ABHD17C: variants seen among roughly 807,000 people sequenced by gnomAD.
ABHD17C encodes the protein alpha/beta hydrolase domain-containing protein 17C.
Under a neutral mutation model 27.9 loss-of-function variants are expected in ABHD17C, and 11 were observed. That is an observed-to-expected ratio of 0.39 (90% CI 0.25 to 0.65). The LOEUF (loss-of-function observed/expected upper bound fraction) is 0.65, where lower values mean the gene tolerates loss of function less well. ABHD17C is among the 30% of genes least tolerant of loss of function. The probability of loss-of-function intolerance (pLI) is 0.45; values close to 1 mark genes in which losing one functional copy is unlikely to be tolerated. For synonymous variants in ABHD17C, 233 were observed against 209.1 expected (o/e 1.11, Z -0.98); for missense variants, 280 against 470.2 (o/e 0.60, Z 3.74).
chr15:80,723,134 ATATATG>A (rs1443232112), intron 1 of ABHD17C, among the ~76,000 whole-genome samples: 1 of 41,246 alleles, frequency 2.4e-5, no homozygotes, highest in African/African-American at 1.0e-4. Flanking sequence ...GTGTGTGTGT[ATATATG>A]TGTGTGTGTG....
At chr15:80,737,344 AT>A (rs1359787393) in intron 1 of ABHD17C, among the ~76,000 whole-genome samples, 1 of 152,180 alleles carries the variant, frequency 6.6e-6, no homozygotes, top group East Asian at 1.9e-4. Context: ...GCTGCAAGAG[AT>A]TCTGTTCCTG....
At chr15:80,706,460 C>T (rs916456946) in intron 1 of ABHD17C, among the ~76,000 whole-genome samples, 1 of 152,098 alleles carries the variant, frequency 6.6e-6, no homozygotes, top group Non-Finnish European at 1.5e-5. Flanking sequence ...GAAAAACGAG[C>T]GTAGAGAACC....
chr15:80,705,966 T>C (rs1296711224), intron 1 of ABHD17C, among the ~76,000 whole-genome samples: 1 of 152,196 alleles, frequency 6.6e-6, no homozygotes, highest in East Asian at 1.9e-4. Flanking sequence ...CACTTTGCAC[T>C]TTTTGGAGCT....
intron 2 of ABHD17C, among the ~76,000 whole-genome samples, chr15:80,752,087 G>A (rs1332203161): frequency 1.3e-5 from 2 of 152,166 alleles, no homozygotes; most frequent in African/African-American, 4.8e-5. Flanking sequence ...GATGATGGAA[G>A]TCAACTTTAA....
At chr15:80,712,048 C>G (rs933634747) in intron 1 of ABHD17C, among the ~76,000 whole-genome samples, 1 of 152,310 alleles carries the variant, frequency 6.6e-6, no homozygotes, top group East Asian at 1.9e-4. Flanking sequence ...CTCTTCCTTG[C>G]CAGCAAGACA....
chr15:80,716,161 G>A (rs1044451748), intron 1 of ABHD17C, among the ~76,000 whole-genome samples: 3 of 152,162 alleles, frequency 2.0e-5, no homozygotes, highest in Middle Eastern at 6.3e-3. Flanking sequence ...ACTCTAAGAG[G>A]TAACTAAAGA....
intron 1 of ABHD17C, among the ~76,000 whole-genome samples, chr15:80,705,367 G>GTGTGTGTGTGTGT (rs57722326): frequency 2.9e-4 from 44 of 150,236 alleles, no homozygotes; most frequent in South Asian, 1.5e-3. Flanking sequence ...GTGTGTGTGT[G>GTGTGTGTGTGTGT]GTTAGGAGCA....
At chr15:80,706,110 C>T (rs1267760603) in intron 1 of ABHD17C, among the ~76,000 whole-genome samples, 1 of 152,214 alleles carries the variant, frequency 6.6e-6, no homozygotes, top group African/African-American at 2.4e-5. Flanking sequence ...TAGAGTTAAC[C>T]TTCCCTTTTC....
chr15:80,718,394 A>G (rs570751007), intron 1 of ABHD17C, among the ~76,000 whole-genome samples: 16 of 152,240 alleles, frequency 1.1e-4, no homozygotes, highest in Non-Finnish European at 1.5e-4. Context: ...GCACAGTAGC[A>G]CAATCTCGGC....
intron 1 of ABHD17C, among the ~76,000 whole-genome samples, chr15:80,736,732 C>T (rs940471047): frequency 6.6e-6 from 1 of 152,126 alleles, no homozygotes; most frequent in African/African-American, 2.4e-5. Flanking sequence ...GCCAAGCGTG[C>T]TTCTCTGAAG....
intron 1 of ABHD17C, 71 bp from the exon 2 acceptor site, chr15:80,749,442 G>A (rs947689154): frequency 6.6e-7 from 1 of 1,505,422 alleles, no homozygotes; most frequent in Non-Finnish European, 9.0e-7. Flanking sequence ...GGTTTAAGAG[G>A]CGGGTTTCTC....
chr15:80,720,156 G>A (rs1241962862), intron 1 of ABHD17C, among the ~76,000 whole-genome samples: 1 of 152,102 alleles, frequency 6.6e-6, no homozygotes, highest in Non-Finnish European at 1.5e-5. Flanking sequence ...TTGCTCAGAT[G>A]TTTCTGTCTT....
intron 1 of ABHD17C, among the ~76,000 whole-genome samples, chr15:80,747,869 A>G (rs1895310835): frequency 6.6e-6 from 1 of 152,016 alleles, no homozygotes; most frequent in African/African-American, 2.4e-5. Context: ...CTTCCTTTTC[A>G]TGCTGTCATC....
intron 1 of ABHD17C, among the ~76,000 whole-genome samples, chr15:80,701,337 G>A (rs1894568763): frequency 6.6e-6 from 1 of 152,062 alleles, no homozygotes; most frequent in African/African-American, 2.4e-5. Flanking sequence ...GCCACTAAGG[G>A]AAGAAAGCTT....
intron 1 of ABHD17C, among the ~76,000 whole-genome samples, chr15:80,699,571 A>G (rs1254313632): frequency 6.6e-6 from 1 of 152,178 alleles, no homozygotes; most frequent in Admixed American, 6.5e-5. Flanking sequence ...TCCATTACCT[A>G]TTTGTGCCAG....
At chr15:80,706,362 C>T (rs1243598204) in intron 1 of ABHD17C, among the ~76,000 whole-genome samples, 12 of 152,186 alleles carry the variant, frequency 7.9e-5, no homozygotes, top group Non-Finnish European at 1.2e-4. Flanking sequence ...GGATAGTTAA[C>T]GGTTGTACGT....
intron 1 of ABHD17C, among the ~76,000 whole-genome samples, chr15:80,706,617 A>G (rs1320407216): frequency 6.6e-6 from 1 of 152,202 alleles, no homozygotes; most frequent in Non-Finnish European, 1.5e-5. Flanking sequence ...GTTAAGTATA[A>G]ATCTACTAGC....
At chr15:80,730,969 G>A (rs1484885197) in intron 1 of ABHD17C, among the ~76,000 whole-genome samples, 1 of 152,104 alleles carries the variant, frequency 6.6e-6, no homozygotes, top group Non-Finnish European at 1.5e-5. Flanking sequence ...CATTATGTTT[G>A]TACACTACAT....
intron 1 of ABHD17C, among the ~76,000 whole-genome samples, chr15:80,736,902 G>A (rs1200846308): frequency 6.6e-6 from 1 of 152,180 alleles, no homozygotes; most frequent in Non-Finnish European, 1.5e-5. Flanking sequence ...ATAAGTGATC[G>A]TTCCCATGAG....
Sources: allele counts gnomAD v4.1 joint callset (sites outside exome capture counted in the v4.1 genomes callset), GRCh38; gene constraint gnomAD v4.1.1; transcripts MANE v1.5; gene names NCBI Gene and HGNC (gene_info 2026-07-23, HGNC 2026-07-21).